The following ADAM18 variants were observed in gnomAD, a reference collection of about 807,000 sequenced individuals.
ADAM18 encodes ADAM metallopeptidase domain 18, also known as disintegrin and metalloproteinase domain-containing protein 18.
In ADAM18, 117 loss-of-function variants were observed where a neutral mutation model predicts 94.4. That is an observed-to-expected ratio of 1.24 (90% confidence interval 1.07 to 1.45). The LOEUF (loss-of-function observed/expected upper bound fraction) is 1.45. Ranked by LOEUF, ADAM18 falls within the 40% of genes most tolerant of loss-of-function variation. ADAM18 has a pLI of 0.00. For missense variants in ADAM18, 936 were observed against 880.0 expected (o/e 1.06, Z -0.81); for synonymous variants, 327 against 291.6 (o/e 1.12, Z -1.24).
At chr8:39,702,434 A>G (rs575981679) in intron 17 of ADAM18, among the ~76,000 whole-genome samples, 1 of 151,986 alleles carries the variant, frequency 6.6e-6, no homozygotes, top group East Asian at 1.9e-4. Flanking sequence ...CCCATTCTGT[A>G]GGTTGTCTGT....
intron 6 of ADAM18, among the ~76,000 whole-genome samples, chr8:39,618,569 C>G (rs1432595669): frequency 1.3e-5 from 2 of 152,156 alleles, no homozygotes; most frequent in Admixed American, 6.5e-5. Context: ...GCAGCAAAAG[C>G]TGGTTACAAA....
At chr8:39,599,579 T>A (rs544513305) in intron 2 of ADAM18, among the ~76,000 whole-genome samples, 5 of 152,248 alleles carry the variant, frequency 3.3e-5, no homozygotes, top group Admixed American at 1.3e-4. Flanking sequence ...ACACACACAT[T>A]TATTTATGTC....
At chr8:39,683,121 C>T (rs1218530998) in intron 16 of ADAM18, among the ~76,000 whole-genome samples, 2 of 152,162 alleles carry the variant, frequency 1.3e-5, no homozygotes, top group African/African-American at 2.4e-5. Flanking sequence ...TGTTCTCCTG[C>T]CCCTTCTTCA....
At chr8:39,629,322 T>A in intron 6 of ADAM18, 52 bp from the exon 7 acceptor site, 1 of 1,379,944 alleles carries the variant, frequency 7.2e-7, no homozygotes, top group East Asian at 2.5e-5. Flanking sequence ...CTTTTTCTCT[T>A]AAATTCAATA....
intron 6 of ADAM18, chr8:39,611,441 A>G (rs1171746516): frequency 2.0e-5 from 20 of 984,582 alleles, no homozygotes; most frequent in Non-Finnish European, 2.3e-5. Context: ...AAATCCCATG[A>G]AGCTATGAAA....
chr8:39,599,154 A>T (rs1239341474), intron 2 of ADAM18, among the ~76,000 whole-genome samples: 1 of 152,104 alleles, frequency 6.6e-6, no homozygotes. Flanking sequence ...AAATGATCTC[A>T]TGTGATTCTT....
intron 13 of ADAM18, among the ~76,000 whole-genome samples, chr8:39,667,328 G>C (rs958902222): frequency 6.6e-6 from 1 of 151,412 alleles, no homozygotes; most frequent in African/African-American, 2.4e-5. Flanking sequence ...CTTGAACCTG[G>C]GGGATGGCAG....
At chr8:39,656,045 T>C (rs1292664679) in intron 12 of ADAM18, among the ~76,000 whole-genome samples, 2 of 152,128 alleles carry the variant, frequency 1.3e-5, no homozygotes, top group African/African-American at 4.8e-5. Context: ...GATGTAATTT[T>C]TTGTCCAAAT....
chr8:39,681,805 A>T (rs1222456874), intron 16 of ADAM18, among the ~76,000 whole-genome samples: 1 of 152,184 alleles, frequency 6.6e-6, no homozygotes, highest in Non-Finnish European at 1.5e-5. Flanking sequence ...AGTGGCAGAA[A>T]GCTTAGCATA....
chr8:39,602,661 C>T (rs1366551939), intron 2 of ADAM18, among the ~76,000 whole-genome samples: 1 of 151,964 alleles, frequency 6.6e-6, no homozygotes, highest in East Asian at 1.9e-4. Context: ...TGGGTTGTTT[C>T]TTGTTTTTGA....
chr8:39,628,852 G>A (rs1429318566), intron 6 of ADAM18, among the ~76,000 whole-genome samples: 1 of 152,120 alleles, frequency 6.6e-6, no homozygotes, highest in Admixed American at 6.5e-5. Context: ...CCAGAGCATA[G>A]GCTTTGTGTG....
In ADAM18 at chr8:39,610,703, A is replaced by G; in HGVS notation, c.519A>G (p.Ser173=). The G allele has an allele frequency of 6.2e-7, 1 of 1,612,292 alleles. No homozygotes were observed. The highest frequency in any genetic ancestry group is 8.5e-7 in the Non-Finnish European group (1 of 1,179,178). Residue 173 remains serine (S), a synonymous_variant, in exon 6 of 20, where the codon TCA becomes TCG. Coordinates refer to ENST00000265707, the MANE Select transcript of ADAM18 (RefSeq NM_014237.3). ...KDQPYKVPLN[S]QIKNLSKLLP... Reference sequence around the variant, plus strand: ...AGCCCTACAAAGTTCCTTTAAACTCACAGGTGACTGTCATCATTCTGATGT... The same window carrying G: ...AGCCCTACAAAGTTCCTTTAAACTCGCAGGTGACTGTCATCATTCTGATGT...
At chr8:39,585,587 A>T (rs1476261096) in intron 2 of ADAM18, among the ~76,000 whole-genome samples, 1 of 152,172 alleles carries the variant, frequency 6.6e-6, no homozygotes, top group Non-Finnish European at 1.5e-5. Flanking sequence ...ATTTCCAAGA[A>T]ATGCTCAGCA....
At chr8:39,603,282 G>C (rs1818963190) in intron 2 of ADAM18, among the ~76,000 whole-genome samples, 1 of 152,098 alleles carries the variant, frequency 6.6e-6, no homozygotes, top group East Asian at 1.9e-4. Flanking sequence ...GGAAAATCTT[G>C]AAATTAGATA....
At chr8:39,610,382 C>T in intron 5 of ADAM18, 147 bp from the exon 6 acceptor site, 1 of 1,075,622 alleles carries the variant, frequency 9.3e-7, no homozygotes, top group South Asian at 2.8e-5. Context: ...AAACTGCCCC[C>T]CCAAAAAATA....
At chr8:39,684,253 A>G (rs1047727327) in intron 16 of ADAM18, among the ~76,000 whole-genome samples, 1 of 152,212 alleles carries the variant, frequency 6.6e-6, no homozygotes, top group South Asian at 2.1e-4. Context: ...GCTATTTATA[A>G]CTTCCAAAAT....
At chr8:39,609,246 G>A (rs1819187761) in intron 4 of ADAM18, 126 bp downstream of exon 4, 2 of 767,722 alleles carry the variant, frequency 2.6e-6, no homozygotes, top group Non-Finnish European at 4.1e-6. Context: ...TTTGTACATA[G>A]AAATGGCATG....
chr8:39,615,200 C>T (rs1046598074), intron 6 of ADAM18, among the ~76,000 whole-genome samples: 2 of 150,502 alleles, frequency 1.3e-5, no homozygotes, highest in African/African-American at 4.9e-5. Context: ...ACCACATGCT[C>T]GACCATAATG....
At chr8:39,649,896 C>T (rs1820481607) in intron 12 of ADAM18, among the ~76,000 whole-genome samples, 1 of 152,118 alleles carries the variant, frequency 6.6e-6, no homozygotes, top group African/African-American at 2.4e-5. Context: ...AATCCAGCTG[C>T]CGCCCGCCTC....
Sources: gnomAD v4.1 joint callset for allele counts (sites outside exome capture counted in the v4.1 genomes callset) on GRCh38, gnomAD v4.1.1 for gene constraint, MANE v1.5 for transcripts, NCBI Gene and HGNC (gene_info 2026-07-23, HGNC 2026-07-21) for gene names.